Variants in DNAH2 observed in about 807,000 individuals in gnomAD.
DNAH2 encodes the protein dynein axonemal heavy chain 2, also known as axonemal beta dynein heavy chain 2.
A neutral mutation model predicts 523.5 loss-of-function variants in DNAH2; 323 were observed. The observed-to-expected ratio is 0.62, with a 90% CI of 0.56 to 0.68. The LOEUF (loss-of-function observed/expected upper bound fraction) is 0.68, where lower values mean the gene tolerates loss of function less well. DNAH2 is among the 30% of genes least tolerant of loss of function. The pLI, the probability that DNAH2 is intolerant of heterozygous loss-of-function variation, is 0.00. For synonymous variants in DNAH2, 2,093 were observed against 2,177.4 expected, an observed-to-expected ratio of 0.96 and a Z score of 1.08; for missense variants, 4,907 against 5,701.5, an observed-to-expected ratio of 0.86 and a Z score of 4.49.
In DNAH2 at chr17:7,771,455, C is replaced by T; in HGVS notation, c.4488C>T (p.Ser1496=). The change falls in exon 28 of 86, where the codon AGC becomes AGT. Residue 1496 remains serine (S), a synonymous_variant. Transcript: ENST00000572933. ...ACAAGGACAACAATGCTCTCCGGAG[C>T]ACCCATCACCCAGGTCAGAGCTCCA... is the stretch of plus-strand genomic sequence containing the variant. ...RMNKDNNALR[S]THHPGLLDTL... 1.2e-6 allele frequency: 2 copies of T among 1,613,912 alleles called. No homozygotes were observed. Among genetic ancestry groups the T allele is most frequent in the Non-Finnish European group, 1.7e-6 (2 of 1,179,856 alleles).
At position 7,832,463 on chromosome 17, in the gene DNAH2, C is replaced by A; in HGVS notation, c.12727-116C>A. The A allele has an allele frequency of 1.6e-6, 2 of 1,264,416 alleles. No individual in the cohort carries two copies. The highest frequency in any genetic ancestry group is 1.5e-5 in the African/African-American group (1 of 67,432). The allele number at this position is 1,264,416 out of a possible 1,614,324, so 78.3% of individuals were successfully genotyped here. On this transcript the variant is annotated intron_variant, in intron 82 of 85. Transcript: ENST00000572933. The surrounding 1 kb of genome is among the most constrained non-coding windows in gnomAD (Gnocchi z 4.3). Reference sequence around the variant, plus strand: ...GGTGGAGGTTGCAGTGAGCCAAGATCGTACCACTGCACTCCAGCCTGGGGG... The same window carrying A: ...GGTGGAGGTTGCAGTGAGCCAAGATAGTACCACTGCACTCCAGCCTGGGGG...
In DNAH2 at chr17:7,817,934, C is replaced by G; in HGVS notation, c.10237-12C>G. 1 of 1,614,126 alleles carries G rather than the reference C, an allele frequency of 6.2e-7. No individual in the cohort carries two copies. Among genetic ancestry groups the G allele is most frequent in the Non-Finnish European group, 8.5e-7 (1 of 1,180,012 alleles). On this transcript the variant is annotated splice_polypyrimidine_tract_variant and intron_variant, in intron 67 of 85. Coordinates refer to ENST00000572933, the MANE Select transcript of DNAH2 (RefSeq NM_020877.5). The stretch of plus-strand genomic sequence containing the variant: ...CCCGTAGTGTTCCTTCACCTTCCCC[C>G]TTGCTCTCTAGGGCCTGAAGATCAT...
Position 7,794,296 on chromosome 17 carries a change from C to A in DNAH2, c.7612C>A (p.Arg2538=). ...MAAMGPPGGG[R]TVISPRLRSR... ...TGCCATGGGCCCCCCTGGGGGTGGA[C>A]GGACTGTCATCTCCCCAAGGCTACG... Residue 2538 remains arginine (R), a synonymous_variant, in exon 49 of 86, where the codon CGG becomes AGG. Transcript: ENST00000572933. The A allele has an allele frequency of 6.2e-7, 1 of 1,610,008 alleles. No homozygotes were observed. Among genetic ancestry groups the A allele is most frequent in the Non-Finnish European group, 8.5e-7 (1 of 1,178,222 alleles).
At chr17:7,812,011 G>A (rs572023887) in intron 63 of DNAH2, among the ~76,000 whole-genome samples, 10 of 152,110 alleles carry the variant, frequency 6.6e-5, no homozygotes, top group African/African-American at 1.4e-4. Flanking sequence ...ATAAAATTAC[G>A]TTGCCAAAAA....
At chr17:7,777,012 C>A in intron 32 of DNAH2, 123 bp downstream of exon 32, 1 of 715,756 alleles carries the variant, frequency 1.4e-6, no homozygotes, top group Non-Finnish European at 2.3e-6. Flanking sequence ...GGCGAAACCC[C>A]TTCTTTACCA....
At chr17:7,719,231 G>T (rs2074518876) in intron 1 of DNAH2, among the ~76,000 whole-genome samples, 1 of 151,308 alleles carries the variant, frequency 6.6e-6, no homozygotes, top group Non-Finnish European at 1.5e-5. Flanking sequence ...GGGTTCAAGA[G>T]ATTCTCCTGC....
In DNAH2 at chr17:7,821,506, A is replaced by G; in HGVS notation, c.11142+137A>G. 2 of 1,278,244 alleles carry G rather than the reference A, an allele frequency of 1.6e-6. No individual in the cohort carries two copies. Among genetic ancestry groups the G allele is most frequent in the South Asian group, 1.6e-5 (1 of 63,510 alleles). 79.2% of individuals were successfully genotyped at this position (1,278,244 alleles called of 1,614,324 possible). ...AGCTGAGAAAATCCAGGCCAGCATC[A>G]GGTGCATGGTGAGCTCCCTGGGGCT... On this transcript the variant is annotated intron_variant, in intron 73 of 85. Transcript: ENST00000572933. This position sits in a 1 kb window ranked among gnomAD's most constrained non-coding sequence, Gnocchi z 5.0.
At chr17:7,752,160 TACACACACACACACACAC>T (rs1555544463) in intron 12 of DNAH2, among the ~76,000 whole-genome samples, 1 of 124,952 alleles carries the variant, frequency 8.0e-6, no homozygotes, top group Non-Finnish European at 1.6e-5. Flanking sequence ...TAAGTCATTT[TACACACACACACACACAC>T]ACACACACAC....
chr17:7,731,979 A>G (rs1281262294), intron 4 of DNAH2, among the ~76,000 whole-genome samples: 1 of 149,928 alleles, frequency 6.7e-6, no homozygotes, highest in Non-Finnish European at 1.5e-5. Flanking sequence ...TGGTGAGCTG[A>G]GATCATGCCA....
intron 78 of DNAH2, 73 bp from the exon 79 acceptor site, chr17:7,830,585 T>C: frequency 6.2e-7 from 1 of 1,607,208 alleles, no homozygotes; most frequent in Non-Finnish European, 8.5e-7. Context: ...ACACAAAGCC[T>C]GTGTTGAAGC....
In DNAH2 at chr17:7,740,506, G is replaced by A. The variant is rs1373893406; in HGVS notation, c.1463G>A (p.Gly488Asp). 6.2e-7 allele frequency: 1 copy of A among 1,614,158 alleles called. No individual in the cohort carries two copies. Among genetic ancestry groups the A allele is most frequent in the South Asian group, 1.1e-5 (1 of 91,092 alleles). ...AFELVRDVPH[G>D]VLLLDTFHRL... ...GAGTTGGTGCGGGACGTGCCGCACG[G>A]CGTGCTTCTGCTGGACACCTTCCAC... The change falls in exon 10 of 86, where the codon GGC becomes GAC. Residue 488 changes from glycine (G) to aspartate (D), a missense_variant. Transcript: ENST00000572933.
At chr17:7,801,801 CCG>C in intron 57 of DNAH2, 75 bp from the exon 58 acceptor site, 2 of 1,609,588 alleles carry the variant, frequency 1.2e-6, no homozygotes, top group Middle Eastern at 3.3e-4. Flanking sequence ...TCTCTCCTTC[CCG>C]CCTCTCATCG....
chr17:7,823,885 C>T lies in DNAH2; in HGVS notation c.11381C>T (p.Ser3794Phe), dbSNP rs2077940413. Reference sequence around the variant, plus strand: ...ATGCAACGGATGCTGATCGTTCGCTCCCTGCGCCAGGACCGCGTGGCCTTC... The same window carrying T: ...ATGCAACGGATGCTGATCGTTCGCTTCCTGCGCCAGGACCGCGTGGCCTTC... ...NEMQRMLIVR[S>F]LRQDRVAFCV... Residue 3794 changes from serine (S) to phenylalanine (F), a missense_variant, in exon 75 of 86, where the codon TCC becomes TTC. By Grantham distance (155) the Ser-to-Phe change is radical. Around this residue, in one of 3 missense-constraint regions of DNAH2, gnomAD observed 1,851 missense variants for 2,139.4 expected, o/e 0.87. Coordinates refer to ENST00000572933, the MANE Select transcript of DNAH2 (RefSeq NM_020877.5). 1.7e-5 allele frequency: 27 copies of T among 1,614,056 alleles called. No individual in the cohort carries two copies. The highest frequency in any genetic ancestry group is 2.2e-5 in the Non-Finnish European group (26 of 1,180,058).
rs903972295 is a variant in DNAH2 at position 7,821,840 on chromosome 17, C to T, written c.11142+471C>T. On this transcript the variant is annotated intron_variant, in intron 73 of 85. Coordinates refer to ENST00000572933, the MANE Select transcript of DNAH2 (RefSeq NM_020877.5). This position sits in a 1 kb window ranked among gnomAD's most constrained non-coding sequence, Gnocchi z 5.0. ...AGAACACATCCACACCGACTGGACGCGCTTTAAGTCCATGATCGTGAACCT... is the reference window on the plus strand; with the variant it reads ...AGAACACATCCACACCGACTGGACGTGCTTTAAGTCCATGATCGTGAACCT... Among the ~76,000 whole-genome samples, 21 of 152,136 alleles carry T rather than the reference C, an allele frequency of 1.4e-4. No homozygotes were observed. Among genetic ancestry groups the T allele is most frequent in the African/African-American group, 3.9e-4 (16 of 41,400 alleles).
intron 27 of DNAH2, 103 bp from the exon 28 acceptor site, chr17:7,771,227 T>C: frequency 6.5e-7 from 1 of 1,527,352 alleles, no homozygotes; most frequent in Non-Finnish European, 8.9e-7. Context: ...CTTCTAGCAC[T>C]CTGTATCTTC....
At chr17:7,732,601 T>A (rs1329363874) in intron 4 of DNAH2, among the ~76,000 whole-genome samples, 1 of 152,194 alleles carries the variant, frequency 6.6e-6, no homozygotes. Context: ...ATATATGCTT[T>A]TGTACGTAAA....
Position 7,786,434 on chromosome 17 carries a change from G to T in DNAH2, c.6348+92G>T. On this transcript the variant is annotated intron_variant, in intron 40 of 85. Transcript: ENST00000572933. This position sits in a 1 kb window ranked among gnomAD's most constrained non-coding sequence, Gnocchi z 7.5. ...GGGCCAGGGAGGACCTTGCAAGGCCGGGAGAGCTGTACCTGGGACCATGGT... is the reference window on the plus strand; with the variant it reads ...GGGCCAGGGAGGACCTTGCAAGGCCTGGAGAGCTGTACCTGGGACCATGGT... 6.7e-7 allele frequency: 1 copy of T among 1,500,838 alleles called. No homozygotes were observed. The highest frequency in any genetic ancestry group is 9.1e-7 in the Non-Finnish European group (1 of 1,103,932). 93.0% of individuals were successfully genotyped at this position (1,500,838 alleles called of 1,614,324 possible). A position where few individuals can be genotyped will look rare whatever the true frequency, so the allele number is the denominator to read the frequency against.
intron 12 of DNAH2, among the ~76,000 whole-genome samples, chr17:7,746,031 C>T (rs188945420): frequency 6.0e-4 from 91 of 152,278 alleles, no homozygotes; most frequent in African/African-American, 1.4e-3. Flanking sequence ...CTGGCATTAT[C>T]GGGCAGCTGA....
Position 7,831,494 on chromosome 17 carries a change from C to T in DNAH2, c.12564C>T (p.Val4188=). 4 of 1,614,154 alleles carry T rather than the reference C, an allele frequency of 2.5e-6. No homozygotes were observed. The highest frequency in any genetic ancestry group is 4.5e-5 in the East Asian group (2 of 44,886). Residue 4188 remains valine (V), a synonymous_variant, in exon 81 of 86, where the codon GTC becomes GTT. Coordinates refer to ENST00000572933, the MANE Select transcript of DNAH2 (RefSeq NM_020877.5). This position sits in a 1 kb window ranked among gnomAD's most constrained non-coding sequence, Gnocchi z 4.2. The part of the protein sequence containing the change: ...LALDPSPLNV[V]LLQEIQRYNT... ...TCGACCCCTCCCCCCTCAATGTGGT[C>T]CTTCTGCAGGAGATCCAGAGATACA...
Sources: gnomAD v4.1 joint callset for allele counts (sites outside exome capture counted in the v4.1 genomes callset) on GRCh38, gnomAD v4.1.1 for gene constraint, gnomAD v4.1.1 regional missense constraint, Gnocchi (gnomAD v3.1) non-coding constraint, MANE v1.5 for transcripts, NCBI Gene and HGNC (gene_info 2026-07-23, HGNC 2026-07-21) for gene names.